The following ZNF362 variants were observed in gnomAD, a reference collection of about 807,000 sequenced individuals.
The protein encoded by ZNF362 is rotund homolog.
A neutral mutation model predicts 42.9 loss-of-function variants in ZNF362; 11 were observed. That is an observed-to-expected ratio of 0.26 (90% CI 0.16 to 0.42). The LOEUF (loss-of-function observed/expected upper bound fraction) is 0.42, where lower values mean the gene tolerates loss of function less well. Among genes scored for constraint, ZNF362 ranks in the 20% least tolerant of loss-of-function variants. ZNF362 has a pLI of 1.00. For missense variants in ZNF362, 362 were observed against 576.2 expected, an observed-to-expected ratio of 0.63 and a Z score of 3.81; for synonymous variants, 255 against 257.3, an observed-to-expected ratio of 0.99 and a Z score of 0.09.
chr1:33,224,829 C>T, the ZNF362 span, among the ~76,000 whole-genome samples: 309 of 152,076 alleles, frequency 2.0e-3, 1 homozygote, highest in African/African-American at 4.1e-3. Flanking sequence ...AGAATGAATA[C>T]GAAGAAAACC....
the ZNF362 span, among the ~76,000 whole-genome samples, chr1:33,196,869 T>A: frequency 6.6e-6 from 1 of 152,156 alleles, no homozygotes; most frequent in Admixed American, 6.5e-5. Context: ...TTTGATTGGA[T>A]TGAAGGATGC....
chr1:33,249,070 G>A, the ZNF362 span, among the ~76,000 whole-genome samples: 1 of 152,252 alleles, frequency 6.6e-6, no homozygotes, highest in Non-Finnish European at 1.5e-5. Context: ...AATTACAGCT[G>A]AGATAAGTCT....
chr1:33,158,362 C>T, the ZNF362 span: 5 of 1,613,442 alleles, frequency 3.1e-6, no homozygotes, highest in Non-Finnish European at 1.7e-6. Flanking sequence ...GGATTTTTCC[C>T]TTGAGCCTGG....
rs1175541630 is a variant in ZNF362, at chr1:33,280,812, T to C, written c.683+355T>C. ...GGCCGTGCACAATGGCTCATCCCTG[T>C]AATCCCAGCGCTTTGGGAGGCCAAG... On this transcript the variant is annotated intron_variant, in intron 5 of 8. Transcript: ENST00000539719. The surrounding 1 kb of genome is among the most constrained non-coding windows in gnomAD (Gnocchi z 5.6). Among the ~76,000 whole-genome samples, 1 of 152,146 alleles carries C rather than the reference T, an allele frequency of 6.6e-6. No individual in the cohort carries two copies. Among genetic ancestry groups the C allele is most frequent in the African/African-American group, 2.4e-5 (1 of 41,428 alleles).
At chr1:33,187,684 A>C in the ZNF362 span, among the ~76,000 whole-genome samples, 1 of 152,284 alleles carries the variant, frequency 6.6e-6, no homozygotes, top group Middle Eastern at 3.4e-3. Context: ...CAAAATTACC[A>C]GAGGCAGATA....
chr1:33,299,145 G>T lies in ZNF362; in HGVS notation c.*99G>T. On this transcript the variant is annotated 3_prime_UTR_variant, in exon 9 of 9. Coordinates refer to ENST00000539719, the MANE Select transcript of ZNF362 (RefSeq NM_152493.3). Reference sequence around the variant, plus strand: ...CCGGGGGCCCTCCAGGAACCACCAAGCTCTCTCACGACCTTCCCAATCTTC... The same window carrying T: ...CCGGGGGCCCTCCAGGAACCACCAATCTCTCTCACGACCTTCCCAATCTTC... 1.1e-6 allele frequency: 1 copy of T among 875,044 alleles called. No homozygotes were observed. The highest frequency in any genetic ancestry group is 1.4e-5 in the South Asian group (1 of 69,130). 54.2% of individuals were successfully genotyped at this position (875,044 alleles called of 1,614,324 possible).
chr1:33,158,399 C>G, the ZNF362 span: 3 of 1,596,190 alleles, frequency 1.9e-6, no homozygotes, highest in Non-Finnish European at 2.6e-6. Flanking sequence ...GGGGCTGCAC[C>G]AGGGACTGGA....
chr1:33,215,717 A>T, the ZNF362 span, among the ~76,000 whole-genome samples: 1 of 152,194 alleles, frequency 6.6e-6, no homozygotes, highest in Admixed American at 6.5e-5. Context: ...TGTTGCAAAA[A>T]TGAAGTTCAC....
chr1:33,187,303 T>C, the ZNF362 span, among the ~76,000 whole-genome samples: 1 of 152,212 alleles, frequency 6.6e-6, no homozygotes, highest in Non-Finnish European at 1.5e-5. Flanking sequence ...GGGAATACAT[T>C]GACAGGTTTG....
rs921564378 is a variant in ZNF362, at chr1:33,280,962, A to G, written c.683+505A>G. 1.3e-5 allele frequency among the ~76,000 whole-genome samples: 2 copies of G among 152,134 alleles called. No individual in the cohort carries two copies. The highest frequency in any genetic ancestry group is 4.8e-5 in the African/African-American group (2 of 41,426). ...TGCGCCCCTGTAATCCTAGCTACTC[A>G]GGAGGCTGAGGCAAGAGAATAACTC... On this transcript the variant is annotated intron_variant, in intron 5 of 8. Coordinates refer to ENST00000539719, the MANE Select transcript of ZNF362 (RefSeq NM_152493.3). This position sits in a 1 kb window ranked among gnomAD's most constrained non-coding sequence, Gnocchi z 5.6.
chr1:33,266,015 C>T lies in ZNF362; in HGVS notation c.-88-4472C>T, dbSNP rs189762676. 4.5e-4 allele frequency among the ~76,000 whole-genome samples: 69 copies of T among 152,342 alleles called. No individual in the cohort carries two copies. Among genetic ancestry groups the T allele is most frequent in the African/African-American group, 1.7e-3 (69 of 41,574 alleles). ...TTTGGCATCTCCCTCTTGCAATTTCCCCTTCCCCCATCAGTAAGTCCCACC... is the reference window on the plus strand; with the variant it reads ...TTTGGCATCTCCCTCTTGCAATTTCTCCTTCCCCCATCAGTAAGTCCCACC... On this transcript the variant is annotated intron_variant, in intron 1 of 8. Coordinates refer to ENST00000539719, the MANE Select transcript of ZNF362 (RefSeq NM_152493.3). This position sits in a 1 kb window ranked among gnomAD's most constrained non-coding sequence, Gnocchi z 4.3.
chr1:33,276,594 G>A lies in ZNF362; in HGVS notation c.349G>A (p.Gly117Ser), dbSNP rs1645949500. 2 of 1,345,800 alleles carry A rather than the reference G, an allele frequency of 1.5e-6. No homozygotes were observed. The highest frequency in any genetic ancestry group is 1.5e-5 in the African/African-American group (1 of 64,654). The allele number at this position is 1,345,800 out of a possible 1,614,324, so 83.4% of individuals were successfully genotyped here. ...ACGGCCGGCCACCAGCACCGTCACA[G>A]GTAGGCCGAGCGGGCGGGGCCGGCG... is the stretch of plus-strand genomic sequence containing the variant. ...HARPATSTVT[G>S]LGLSTRTPSV... Residue 117 changes from glycine to serine, a missense_variant and splice_region_variant, in exon 4 of 9, where the codon GGT (glycine) becomes AGT (serine). By Grantham distance (56) the Gly-to-Ser change is moderately conservative (BLOSUM62 0). Around this residue, in one of 3 missense-constraint regions of ZNF362, gnomAD observed 266 missense variants for 365.4 expected, o/e 0.73. Coordinates refer to ENST00000539719, the MANE Select transcript of ZNF362 (RefSeq NM_152493.3).
At chr1:33,137,885 C>T in the ZNF362 span, among the ~76,000 whole-genome samples, 1 of 152,194 alleles carries the variant, frequency 6.6e-6, no homozygotes, top group African/African-American at 2.4e-5. Flanking sequence ...CAGTCAGGAC[C>T]ACCCAGGCCC....
the ZNF362 span, among the ~76,000 whole-genome samples, chr1:33,241,828 G>A: frequency 6.6e-6 from 1 of 152,154 alleles, no homozygotes; most frequent in African/African-American, 2.4e-5. Flanking sequence ...CTCCTGCCTT[G>A]ACCTCCCAAA....
chr1:33,228,489 A>G, the ZNF362 span, among the ~76,000 whole-genome samples: 1 of 152,226 alleles, frequency 6.6e-6, no homozygotes, highest in East Asian at 1.9e-4. Context: ...ATCCAACACC[A>G]AACTCTGGTT....
chr1:33,192,256 G>T, the ZNF362 span, among the ~76,000 whole-genome samples: 1 of 152,146 alleles, frequency 6.6e-6, no homozygotes, highest in African/African-American at 2.4e-5. Context: ...ACATCTCTCA[G>T]ATGTTAGAGA....
chr1:33,146,075 G>T, the ZNF362 span: 8 of 351,692 alleles, frequency 2.3e-5, no homozygotes, highest in South Asian at 1.3e-4. Flanking sequence ...TCCTGCAGAT[G>T]GGGGCAGCTT....
intron 6 of ZNF362, among the ~76,000 whole-genome samples, chr1:33,287,865 A>C (rs1369737292): frequency 6.6e-6 from 1 of 152,224 alleles, no homozygotes; most frequent in Non-Finnish European, 1.5e-5. Context: ...AGAGATAATG[A>C]ATTTGAAAAA....
rs975459999 is a variant in ZNF362, at chr1:33,286,334, G to GT, written c.908+4533dup. On this transcript the variant is annotated intron_variant, in intron 6 of 8. Transcript: ENST00000539719. Reference sequence around the variant, plus strand: ...AGTGATAATAATGATGAAGAATTCTGTTTTTTTTTTCCAAGAAGTAGACTT... The same window carrying GT: ...AGTGATAATAATGATGAAGAATTCTGTTTTTTTTTTTCCAAGAAGTAGACTT... 7.5e-3 allele frequency among the ~76,000 whole-genome samples: 1,114 copies of GT among 148,828 alleles called. 47 individuals carry two copies. Among genetic ancestry groups the GT allele is most frequent in the Admixed American group, 0.064 (951 of 14,958 alleles).
Sources: allele counts gnomAD v4.1 joint callset (sites outside exome capture counted in the v4.1 genomes callset), GRCh38; gene constraint gnomAD v4.1.1; regional missense constraint gnomAD v4.1.1; non-coding constraint Gnocchi (gnomAD v3.1); transcripts MANE v1.5; gene names NCBI Gene and HGNC (gene_info 2026-07-23, HGNC 2026-07-21).